The following NDUFS1 variants were observed in gnomAD, a reference collection of about 807,000 sequenced individuals.
The protein encoded by NDUFS1 is NADH-ubiquinone oxidoreductase 75 kDa subunit, mitochondrial.
NDUFS1 carries 61 observed loss-of-function variants against 84.4 expected under a neutral mutation model. The ratio of observed to expected loss-of-function variants is 0.72; its 90% CI spans 0.59 to 0.89. The LOEUF is 0.89. NDUFS1 is among the 40% of genes least tolerant of loss of function. NDUFS1 has a pLI of 0.00. For missense variants in NDUFS1, 891 were observed against 890.0 expected (o/e 1.00, Z -0.01); for synonymous variants, 275 against 290.0 (o/e 0.95, Z 0.53).
chr2:206,153,501 C>A, intron 2 of NDUFS1, 117 bp downstream of exon 2: 13 of 666,134 alleles, frequency 2.0e-5, no homozygotes, highest in Non-Finnish European at 1.6e-5. Context: ...CGGCCGGTTT[C>A]TATTTTTATT....
chr2:206,149,943 A>C lies in NDUFS1; in HGVS notation c.154-18T>G. On this transcript the variant is annotated intron_variant, in intron 3 of 18. Coordinates refer to ENST00000233190, the MANE Select transcript of NDUFS1 (RefSeq NM_005006.7). Reference sequence around the variant, plus strand: ...TCACAAGCCTAGAAGTAAAAAAAAAAAAAAAAAAAAAAAAAGCATTAGAAT... The same window carrying C: ...TCACAAGCCTAGAAGTAAAAAAAAACAAAAAAAAAAAAAAAGCATTAGAAT... 6.8e-7 allele frequency: 1 copy of C among 1,474,500 alleles called. No homozygotes were observed. Among genetic ancestry groups the C allele is most frequent in the Non-Finnish European group, 9.4e-7 (1 of 1,064,450 alleles). 91.3% of individuals were successfully genotyped at this position (1,474,500 alleles called of 1,614,324 possible).
Position 206,130,089 on chromosome 2 carries a change from TTG to T in NDUFS1, c.1705_1706del (p.Gln569ArgfsTer5). On this transcript the variant is annotated frameshift_variant and splice_region_variant, in exon 15 of 19. Transcript: ENST00000233190. LOFTEE classifies it high-confidence loss of function. ...TCTGGTGTCACAGGTGATACTTACC[TTG>T]ATAAATAATGAAACAATCCTTTGGC... ...DLPKDCFIIY[Q>X]GHHGDVGAPI... The T allele has an allele frequency of 6.2e-7, 1 of 1,614,166 alleles. No homozygotes were observed. The highest frequency in any genetic ancestry group is 8.5e-7 in the Non-Finnish European group (1 of 1,180,024).
rs762397149 is a variant in NDUFS1, at chr2:206,144,029, C to T, written c.976G>A (p.Val326Ile). The T allele has an allele frequency of 2.1e-5, 33 of 1,608,050 alleles. No individual in the cohort carries two copies. In the East Asian group the frequency reaches 2.5e-4, roughly 12 times the overall value. ...ATTTCAAATTTTACCATTCCAGCTA[C>T]GCGAGAGAGCGCATCCTCCCAAGAA... Reference protein sequence around the residue: ...YTSWEDALSRVAGMLQSFQGK... With the variant: ...YTSWEDALSRIAGMLQSFQGK... The change falls in exon 10 of 19, where the codon GTA (valine) becomes ATA (isoleucine). Residue 326 changes from valine to isoleucine, a missense_variant. Transcript: ENST00000233190.
At chr2:206,129,162 C>T (rs1691408965) in intron 15 of NDUFS1, among the ~76,000 whole-genome samples, 1 of 152,084 alleles carries the variant, frequency 6.6e-6, no homozygotes, top group African/African-American at 2.4e-5. Flanking sequence ...AATTTGTGCA[C>T]ATTTGTATAT....
rs1690917099 is a variant in NDUFS1, at chr2:206,115,378, G to C, written c.*8807C>G. 6.4e-6 allele frequency: 1 copy of C among 156,770 alleles called. No homozygotes were observed. The highest frequency in any genetic ancestry group is 6.5e-5 in the Admixed American group (1 of 15,442). The allele number at this position is 156,770 out of a possible 1,614,324, so 9.7% of individuals were successfully genotyped here. ...CTTCTGGGAGATGATTAGGTCACAA[G>C]GACTCTGGCCTCATATTTGATTGAT... On this transcript the variant is annotated 3_prime_UTR_variant, in exon 19 of 19. Coordinates refer to ENST00000233190, the MANE Select transcript of NDUFS1 (RefSeq NM_005006.7).
rs1473894539 is a variant in NDUFS1, at chr2:206,117,339, A to G, written c.*6846T>C. 1 of 152,278 alleles carries G rather than the reference A, an allele frequency of 6.6e-6. No homozygotes were observed. 9.4% of individuals were successfully genotyped at this position (152,278 alleles called of 1,614,324 possible). A position where few individuals can be genotyped will look rare whatever the true frequency, so the allele number is the denominator to read the frequency against. On this transcript the variant is annotated 3_prime_UTR_variant, in exon 19 of 19. Transcript: ENST00000233190. ...TAATTGATGCCTACATATCTCTTTT[A>G]GTATACTGTTAGCTTCTTGAGGACA...
At chr2:206,127,731 T>C in intron 16 of NDUFS1, 66 bp downstream of exon 16, 1 of 1,542,064 alleles carries the variant, frequency 6.5e-7, no homozygotes, top group East Asian at 2.3e-5. Context: ...TGAAAATCAT[T>C]CTAACAGGCT....
intron 18 of NDUFS1, among the ~76,000 whole-genome samples, chr2:206,126,200 T>A (rs1259381566): frequency 6.6e-6 from 1 of 152,242 alleles, no homozygotes; most frequent in Non-Finnish European, 1.5e-5. Context: ...TTAAATGTTT[T>A]GATTCTTCCA....
rs146900299 is a variant in NDUFS1 at position 206,128,730 on chromosome 2, G to A, written c.1709-758C>T. Reference sequence around the variant, plus strand: ...CGTGAGGCTGGGGCTGCAGTGAGCCGAGATCACACCACTGCACTCCAGCCT... The same window carrying A: ...CGTGAGGCTGGGGCTGCAGTGAGCCAAGATCACACCACTGCACTCCAGCCT... On this transcript the variant is annotated intron_variant, in intron 15 of 18. Coordinates refer to ENST00000233190, the MANE Select transcript of NDUFS1 (RefSeq NM_005006.7). 6.7e-4 allele frequency among the ~76,000 whole-genome samples: 101 copies of A among 150,906 alleles called. 1 individual carries two copies. The East Asian group carries it at 0.019, about 28-fold the overall frequency.
Position 206,127,833 on chromosome 2 carries a change from T to G in NDUFS1, c.1848A>C (p.Ala616=), listed in dbSNP as rs1467333874. The G allele has an allele frequency of 1.2e-6, 2 of 1,614,060 alleles. No homozygotes were observed. Among genetic ancestry groups the G allele is most frequent in the African/African-American group, 1.3e-5 (1 of 74,934 alleles). ...TKVAVTPPGL[A]REDWKIIRAL... ...CTCTTATAATTTTCCAGTCTTCTCT[T>G]GCCAAGCCAGGAGGTGTCACTGCTA... Residue 616 remains alanine (A), a synonymous_variant, in exon 16 of 19, where the codon GCA becomes GCC. Transcript: ENST00000233190.
chr2:206,159,196 G>C, intron 1 of NDUFS1, 145 bp downstream of exon 1: 1 of 1,518,442 alleles, frequency 6.6e-7, no homozygotes, highest in Non-Finnish European at 8.8e-7. Context: ...CCGGCTCTCA[G>C]GGGCTTCCGA....
chr2:206,121,608 A>G lies in NDUFS1; in HGVS notation c.*2577T>C, dbSNP rs1401391830. 6.6e-6 allele frequency: 1 copy of G among 152,088 alleles called. No homozygotes were observed. The highest frequency in any genetic ancestry group is 1.5e-5 in the Non-Finnish European group (1 of 68,080). The allele number at this position is 152,088 out of a possible 1,614,324, so 9.4% of individuals were successfully genotyped here. ...GCTGGGATTACAGCCATGTGCCACC[A>G]TGCCTGGCTAATTTTTGTATTTTTA... On this transcript the variant is annotated 3_prime_UTR_variant, in exon 19 of 19. Coordinates refer to ENST00000233190, the MANE Select transcript of NDUFS1 (RefSeq NM_005006.7).
In NDUFS1 at chr2:206,159,362, G is replaced by A. The variant is rs1687818084; in HGVS notation, c.-26C>T. 4 of 594,730 alleles carry A rather than the reference G, an allele frequency of 6.7e-6. No individual in the cohort carries two copies. Among genetic ancestry groups the A allele is most frequent in the Non-Finnish European group, 1.2e-5 (4 of 333,972 alleles). The allele number at this position is 594,730 out of a possible 1,614,324, so 36.8% of individuals were successfully genotyped here. ...TCACCTTCTCCCCGGAGCCGCGGAGGCTGTTCTGCTAAACTGTCTGGACCA... is the reference window on the plus strand; with the variant it reads ...TCACCTTCTCCCCGGAGCCGCGGAGACTGTTCTGCTAAACTGTCTGGACCA... On this transcript the variant is annotated 5_prime_UTR_variant, in exon 1 of 19. Coordinates refer to ENST00000233190, the MANE Select transcript of NDUFS1 (RefSeq NM_005006.7).
chr2:206,127,759 TTTA>T (rs1226583382), intron 16 of NDUFS1, 35 bp downstream of exon 16: 1 of 1,603,882 alleles, frequency 6.2e-7, no homozygotes, highest in Admixed American at 1.7e-5. Flanking sequence ...CAAATATGCC[TTTA>T]GTAGCATCAC....
chr2:206,144,663 T>C (rs1692090560), intron 9 of NDUFS1, among the ~76,000 whole-genome samples: 1 of 152,148 alleles, frequency 6.6e-6, no homozygotes, highest in African/African-American at 2.4e-5. Context: ...TCAATCTACT[T>C]GAATTTCTCC....
Position 206,126,557 on chromosome 2 carries a change from T to G in NDUFS1, c.2074A>C (p.Lys692Gln), listed in dbSNP as rs765314993. The change falls in exon 18 of 19, where the codon AAA (lysine) becomes CAA (glutamine). Residue 692 changes from lysine to glutamine, a missense_variant. Coordinates refer to ENST00000233190, the MANE Select transcript of NDUFS1 (RefSeq NM_005006.7). ...TACATACCTGTCATGTAGAAGTCTT[T>G]TATAGTTAGCTGAGGTGGAACAAGT... ...DPLVPPQLTIKDFYMTDSISR... is the reference protein window; with the variant it reads ...DPLVPPQLTIQDFYMTDSISR... 1.2e-6 allele frequency: 2 copies of G among 1,614,166 alleles called. No homozygotes were observed. The highest frequency in any genetic ancestry group is 1.7e-6 in the Non-Finnish European group (2 of 1,180,016).
intron 5 of NDUFS1, among the ~76,000 whole-genome samples, chr2:206,148,171 C>T (rs1277329542): frequency 2.0e-5 from 3 of 152,072 alleles, no homozygotes; most frequent in African/African-American, 7.2e-5. Flanking sequence ...GTGATCCTCC[C>T]GCCCTGGCGT....
intron 8 of NDUFS1, among the ~76,000 whole-genome samples, chr2:206,146,323 C>A (rs1692152721): frequency 6.6e-6 from 1 of 152,122 alleles, no homozygotes; most frequent in South Asian, 2.1e-4. Context: ...AGTAAGGACA[C>A]AGAAATTACA....
intron 10 of NDUFS1, 42 bp from the exon 11 acceptor site, chr2:206,142,873 C>T (rs1156629576): frequency 1.2e-6 from 2 of 1,610,304 alleles, no homozygotes; most frequent in African/African-American, 2.7e-5. Context: ...AACCTACACG[C>T]AGCAAAGACC....
Sources: gnomAD v4.1 joint callset for allele counts (sites outside exome capture counted in the v4.1 genomes callset) on GRCh38, gnomAD v4.1.1 for gene constraint, MANE v1.5 for transcripts, NCBI Gene and HGNC (gene_info 2026-07-23, HGNC 2026-07-21) for gene names.